The following NRG1 variants were observed in gnomAD, a reference collection of about 807,000 sequenced individuals.
The protein encoded by NRG1 is pro-neuregulin-1, membrane-bound isoform.
Under a neutral mutation model 63.8 loss-of-function variants are expected in NRG1, and 18 were observed. That is an observed-to-expected ratio of 0.28 (90% CI 0.19 to 0.42). The LOEUF (loss-of-function observed/expected upper bound fraction) is 0.42. Ranked by LOEUF, NRG1 falls within the 10% of genes least tolerant of loss-of-function variation. NRG1 has a pLI of 1.00. For synonymous variants in NRG1, 302 were observed against 301.3 expected (o/e 1.00, Z -0.02); for missense variants, 762 against 814.7 (o/e 0.94, Z 0.79).
intron 6 of NRG1, chr8:32,728,667 A>G: frequency 1.0e-6 from 1 of 984,440 alleles, no homozygotes; most frequent in Non-Finnish European, 1.2e-6. Flanking sequence ...CATTGTATGT[A>G]GCATCCCTGT....
At chr8:32,546,427 A>T (rs549790514), upstream of NRG1, among the ~76,000 whole-genome samples, 5 of 152,278 alleles carry the variant, frequency 3.3e-5, no homozygotes, top group African/African-American at 1.2e-4. Context: ...GTGTATACTA[A>T]GCCCTTATGC....
intron 1 of NRG1, among the ~76,000 whole-genome samples, chr8:32,437,642 T>C (rs1472354848): frequency 6.6e-6 from 1 of 152,188 alleles, no homozygotes; most frequent in Non-Finnish European, 1.5e-5. Context: ...ACCTTACTAC[T>C]GCATTATGAA....
At chr8:32,127,236 T>C (rs946057076) in intron 1 of NRG1, among the ~76,000 whole-genome samples, 2 of 151,866 alleles carry the variant, frequency 1.3e-5, no homozygotes, top group African/African-American at 2.4e-5. Context: ...AACTTGGCCT[T>C]GTGGATTTTA....
chr8:32,526,412 G>T (rs1830848322), intron 1 of NRG1, among the ~76,000 whole-genome samples: 1 of 152,168 alleles, frequency 6.6e-6, no homozygotes, highest in Non-Finnish European at 1.5e-5. Flanking sequence ...TATTTTGTGT[G>T]ACATAATCAC....
intron 5 of NRG1, among the ~76,000 whole-genome samples, chr8:32,653,219 A>G (rs574796259): frequency 6.6e-6 from 1 of 152,016 alleles, no homozygotes; most frequent in South Asian, 2.1e-4. Flanking sequence ...GACCGGTTAT[A>G]TGACAGTGGA....
intron 2 of NRG1, among the ~76,000 whole-genome samples, chr8:32,602,266 T>A (rs1476150177): frequency 6.6e-6 from 1 of 152,178 alleles, no homozygotes; most frequent in Non-Finnish European, 1.5e-5. Context: ...TAAATCTCTC[T>A]TTCTTTTAAA....
rs182969848 is a variant in NRG1 at position 32,137,035 on chromosome 8, G to T, written c.38-458793G>T. On this transcript the variant is annotated intron_variant, in intron 1 of 10. Coordinates refer to the NRG1 transcript ENST00000519301. ...CATATACTCTATATCTGGTTTATTCGATTGTGAATCAATAAACATGGGGGT... is the reference window on the plus strand; with the variant it reads ...CATATACTCTATATCTGGTTTATTCTATTGTGAATCAATAAACATGGGGGT... Among the ~76,000 whole-genome samples the T allele has an allele frequency of 6.6e-5, 10 of 152,136 alleles. No individual in the cohort carries two copies. The East Asian group carries it at 1.9e-3, about 29-fold the overall frequency.
At chr8:31,701,967 C>T (rs1268565169) in intron 1 of NRG1, among the ~76,000 whole-genome samples, 2 of 152,136 alleles carry the variant, frequency 1.3e-5, no homozygotes, top group South Asian at 4.1e-4. Flanking sequence ...AATTTATGAG[C>T]CCCACCTAAC....
intron 1 of NRG1, among the ~76,000 whole-genome samples, chr8:32,156,927 A>T (rs1318507428): frequency 6.6e-6 from 1 of 152,164 alleles, no homozygotes; most frequent in African/African-American, 2.4e-5. Context: ...ACAGAGTGAG[A>T]CCCTATCTCT....
At chr8:32,564,615 TTAGA>T (rs1195792579) in intron 1 of NRG1, among the ~76,000 whole-genome samples, 2 of 152,188 alleles carry the variant, frequency 1.3e-5, no homozygotes, top group Non-Finnish European at 1.5e-5. Flanking sequence ...AATTATGGTA[TTAGA>T]TAAAGCATAC....
At chr8:31,783,800 T>C (rs1819927496) in intron 1 of NRG1, among the ~76,000 whole-genome samples, 1 of 152,142 alleles carries the variant, frequency 6.6e-6, no homozygotes, top group African/African-American at 2.4e-5. Context: ...CTTAGCCAAA[T>C]TCTAGAAGGC....
intron 1 of NRG1, among the ~76,000 whole-genome samples, chr8:31,860,229 T>C (rs180972006): frequency 2.2e-4 from 34 of 152,210 alleles, no homozygotes; most frequent in African/African-American, 8.2e-4. Context: ...TAATCTATTC[T>C]GAGTTCCTTA....
intron 6 of NRG1, among the ~76,000 whole-genome samples, chr8:32,736,537 A>G (rs1255752084): frequency 6.6e-6 from 1 of 152,282 alleles, no homozygotes; most frequent in African/African-American, 2.4e-5. Flanking sequence ...TGATATTTCT[A>G]TCATTTAATA....
chr8:32,504,470 T>C (rs1828290901), intron 1 of NRG1, among the ~76,000 whole-genome samples: 2 of 152,240 alleles, frequency 1.3e-5, no homozygotes, highest in African/African-American at 4.8e-5. Context: ...ATAAGCGTTT[T>C]TTTAAGCCAA....
At chr8:32,090,689 C>G (rs1400139634) in intron 1 of NRG1, among the ~76,000 whole-genome samples, 3 of 152,166 alleles carry the variant, frequency 2.0e-5, no homozygotes, top group African/African-American at 7.2e-5. Context: ...AGGAAAGAGA[C>G]CTTTGAGTTC....
chr8:32,187,034 C>T (rs1261895144), intron 1 of NRG1, among the ~76,000 whole-genome samples: 1 of 152,146 alleles, frequency 6.6e-6, no homozygotes, highest in East Asian at 1.9e-4. Context: ...TGCCATGCAG[C>T]TTTGAATGAC....
intron 1 of NRG1, among the ~76,000 whole-genome samples, chr8:32,278,079 C>G (rs1852299082): frequency 6.6e-6 from 1 of 152,304 alleles, no homozygotes; most frequent in East Asian, 1.9e-4. Context: ...GACATTTTTC[C>G]TATAAAATTC....
intron 5 of NRG1, among the ~76,000 whole-genome samples, chr8:32,695,198 G>A (rs896393979): frequency 5.3e-5 from 8 of 151,948 alleles, no homozygotes; most frequent in Non-Finnish European, 8.8e-5. Flanking sequence ...ACAATTAGTT[G>A]GGGATGGTGG....
intron 5 of NRG1, among the ~76,000 whole-genome samples, chr8:32,626,378 A>G (rs1219406394): frequency 6.7e-6 from 1 of 148,930 alleles, no homozygotes; most frequent in Non-Finnish European, 1.5e-5. Flanking sequence ...TTTTTGTAAT[A>G]TTCCTTAAGA....
Sources: gnomAD v4.1 joint callset for allele counts (sites outside exome capture counted in the v4.1 genomes callset) on GRCh38, gnomAD v4.1.1 for gene constraint, MANE v1.5 for transcripts, NCBI Gene and HGNC (gene_info 2026-07-23, HGNC 2026-07-21) for gene names.